PAK2: variants seen among roughly 807,000 people sequenced by gnomAD.
PAK2 encodes the protein p21 (RAC1) activated kinase 2.
In PAK2, 21 loss-of-function variants were observed where a neutral mutation model predicts 65.9. That is an observed-to-expected ratio of 0.32 (90% confidence interval 0.23 to 0.46). PAK2 has a LOEUF of 0.46. Ranked by LOEUF, PAK2 falls within the 20% of genes least tolerant of loss-of-function variation. PAK2 has a pLI of 1.00. For missense variants in PAK2, 324 were observed against 642.6 expected, an observed-to-expected ratio of 0.50 and a Z score of 5.36; for synonymous variants, 204 against 219.7, an observed-to-expected ratio of 0.93 and a Z score of 0.63.
intron 2 of PAK2, among the ~76,000 whole-genome samples, chr3:196,793,044 G>A (rs551627119): frequency 1.8e-4 from 27 of 152,174 alleles, no homozygotes; most frequent in Non-Finnish European, 2.9e-4. Context: ...ACACTGTGTC[G>A]GAGTGGGGGT....
chr3:196,795,943 G>T (rs956135384), intron 2 of PAK2, among the ~76,000 whole-genome samples: 1 of 152,236 alleles, frequency 6.6e-6, no homozygotes, highest in Non-Finnish European at 1.5e-5. Context: ...CGGGGGAATG[G>T]TTTCGAGATG....
chr3:196,764,943 C>T (rs1226006187), intron 1 of PAK2, among the ~76,000 whole-genome samples: 4 of 147,998 alleles, frequency 2.7e-5, no homozygotes, highest in Non-Finnish European at 6.0e-5. Flanking sequence ...CCCGGGTTCA[C>T]GCCATTCTCC....
intron 1 of PAK2, among the ~76,000 whole-genome samples, chr3:196,777,649 G>A (rs1418014466): frequency 4.6e-5 from 7 of 152,190 alleles, no homozygotes; most frequent in Non-Finnish European, 8.8e-5. Context: ...TGAAGGAGCT[G>A]AGTAGCTTTA....
intron 1 of PAK2, among the ~76,000 whole-genome samples, chr3:196,752,217 C>T (rs1265246176): frequency 6.6e-6 from 1 of 152,120 alleles, no homozygotes; most frequent in Non-Finnish European, 1.5e-5. Context: ...AGTAATACTC[C>T]ATTCTATGTA....
intron 1 of PAK2, among the ~76,000 whole-genome samples, chr3:196,759,488 G>GTTTTT (rs1560092714): frequency 3.0e-4 from 33 of 111,128 alleles, no homozygotes; most frequent in Non-Finnish European, 4.5e-4. Context: ...ACAGTTAAGT[G>GTTTTT]GTTTTTTTTG....
chr3:196,795,899 C>G (rs1217895608), intron 2 of PAK2, among the ~76,000 whole-genome samples: 1 of 152,184 alleles, frequency 6.6e-6, no homozygotes, highest in Non-Finnish European at 1.5e-5. Context: ...GGATTGGTTT[C>G]GCGGAAGGTA....
intron 1 of PAK2, among the ~76,000 whole-genome samples, chr3:196,765,027 G>T (rs866321648): frequency 6.7e-6 from 1 of 149,866 alleles, no homozygotes; most frequent in Non-Finnish European, 1.5e-5. Flanking sequence ...TGTATTTTTA[G>T]TAGAGACGAG....
rs1435995715 is a variant in PAK2, at chr3:196,791,937, AGAAAT to A, written c.187+9105_187+9109del. Among the ~76,000 whole-genome samples the A allele has an allele frequency of 2.7e-5, 4 of 150,778 alleles. No individual in the cohort carries two copies. Among genetic ancestry groups the A allele is most frequent in the Admixed American group, 6.6e-5 (1 of 15,158 alleles). The stretch of plus-strand genomic sequence containing the variant: ...GAGACTCCGTCAAAAAAAAAAAAAA[AGAAAT>A]AGAATTCCTGGGCTCAGTTTCTTAC... On this transcript the variant is annotated intron_variant, in intron 2 of 14. Coordinates refer to ENST00000327134, the MANE Select transcript of PAK2 (RefSeq NM_002577.4). The surrounding 1 kb of genome is among the most constrained non-coding windows in gnomAD (Gnocchi z 4.0).
chr3:196,819,950 C>T (rs1322801398), intron 12 of PAK2, among the ~76,000 whole-genome samples: 1 of 152,018 alleles, frequency 6.6e-6, no homozygotes, highest in Non-Finnish European at 1.5e-5. Flanking sequence ...CAAGACCAGC[C>T]TAGGCAACAC....
chr3:196,761,310 G>A (rs1207301250), intron 1 of PAK2, among the ~76,000 whole-genome samples: 1 of 102,296 alleles, frequency 9.8e-6, no homozygotes, highest in Non-Finnish European at 1.9e-5. Context: ...GCGGCCTTCC[G>A]CAGTGTTTGT....
chr3:196,766,004 A>C (rs1029263792), intron 1 of PAK2, among the ~76,000 whole-genome samples: 11 of 151,372 alleles, frequency 7.3e-5, no homozygotes, highest in African/African-American at 2.7e-4. Context: ...GGGTCAAGCG[A>C]TTCTACCTCA....
chr3:196,765,509 C>T (rs945005047), intron 1 of PAK2, among the ~76,000 whole-genome samples: 1 of 152,138 alleles, frequency 6.6e-6, no homozygotes, highest in Non-Finnish European at 1.5e-5. Context: ...TATAAGAATT[C>T]TCTTTGTGCC....
chr3:196,811,210 C>CCCTCCCTT (rs1715781236), intron 8 of PAK2, among the ~76,000 whole-genome samples: 1 of 61,832 alleles, frequency 1.6e-5, no homozygotes, highest in Non-Finnish European at 2.9e-5. Flanking sequence ...TCCCTTCCTT[C>CCCTCCCTT]CCTTCCCTCC....
intron 1 of PAK2, among the ~76,000 whole-genome samples, chr3:196,758,057 G>C (rs1219686459): frequency 6.6e-6 from 1 of 152,218 alleles, no homozygotes; most frequent in Non-Finnish European, 1.5e-5. Flanking sequence ...TGCTGTCACA[G>C]ATGAAATCCT....
chr3:196,800,944 A>G (rs1195100077), intron 2 of PAK2, among the ~76,000 whole-genome samples: 1 of 152,144 alleles, frequency 6.6e-6, no homozygotes, highest in African/African-American at 2.4e-5. Flanking sequence ...GCTACTGCAG[A>G]TTAGAGCAGG....
Position 196,831,264 on chromosome 3 carries a change from T to C in PAK2, c.*2859T>C, listed in dbSNP as rs1712074361. 1 of 152,222 alleles carries C rather than the reference T, an allele frequency of 6.6e-6. No individual in the cohort carries two copies. The highest frequency in any genetic ancestry group is 1.5e-5 in the Non-Finnish European group (1 of 68,042). 9.4% of individuals were successfully genotyped at this position (152,222 alleles called of 1,614,324 possible). ...TAGAATGAAAATTCCCATTTAAATCTGAAAGTTACCTTAATAGTCCTCTTG... is the reference window on the plus strand; with the variant it reads ...TAGAATGAAAATTCCCATTTAAATCCGAAAGTTACCTTAATAGTCCTCTTG... On this transcript the variant is annotated 3_prime_UTR_variant, in exon 15 of 15. Transcript: ENST00000327134.
chr3:196,761,775 CGGGCGGGGGGCT>C (rs1713975779), intron 1 of PAK2, among the ~76,000 whole-genome samples: 1 of 145,772 alleles, frequency 6.9e-6, no homozygotes. Flanking sequence ...GGCGGCTGGC[CGGGCGGGGGGCT>C]GACCCCCACC....
At chr3:196,812,661 G>A (rs1163171840) in intron 9 of PAK2, 78 bp from the exon 10 acceptor site, 2 of 697,618 alleles carry the variant, frequency 2.9e-6, no homozygotes, top group Non-Finnish European at 5.1e-6. Context: ...CGTACCGTGA[G>A]TTATCAACTG....
intron 1 of PAK2, among the ~76,000 whole-genome samples, chr3:196,754,813 T>C (rs765310167): frequency 3.3e-5 from 5 of 152,168 alleles, no homozygotes; most frequent in Non-Finnish European, 7.3e-5. Flanking sequence ...GAATGTATGT[T>C]GAGAGATCAC....
Sources: gnomAD v4.1 joint callset for allele counts (sites outside exome capture counted in the v4.1 genomes callset) on GRCh38, gnomAD v4.1.1 for gene constraint, Gnocchi (gnomAD v3.1) non-coding constraint, MANE v1.5 for transcripts, NCBI Gene and HGNC (gene_info 2026-07-23, HGNC 2026-07-21) for gene names.